Variants in PPP1R9A observed in about 807,000 individuals in gnomAD.
The protein encoded by PPP1R9A is neurabin-1.
In PPP1R9A, 59 loss-of-function variants were observed where a neutral mutation model predicts 141.9. The observed-to-expected ratio is 0.42, with a 90% CI of 0.34 to 0.52. PPP1R9A has a LOEUF of 0.52. Ranked by LOEUF, PPP1R9A falls within the 20% of genes least tolerant of loss-of-function variation. The pLI, the probability that PPP1R9A is intolerant of heterozygous loss-of-function variation, is 0.10. For missense variants in PPP1R9A, 1,444 were observed against 1,611.9 expected (o/e 0.90, Z 1.78); for synonymous variants, 500 against 569.7 (o/e 0.88, Z 1.74).
intron 2 of PPP1R9A, among the ~76,000 whole-genome samples, chr7:94,915,074 C>G (rs1397039153): frequency 2.0e-5 from 3 of 152,096 alleles, no homozygotes; most frequent in Admixed American, 2.0e-4. Flanking sequence ...AAAGATTTTT[C>G]TAACTCACAG....
chr7:94,958,414 T>TTCA (rs1361091067), intron 2 of PPP1R9A, among the ~76,000 whole-genome samples: 1 of 152,082 alleles, frequency 6.6e-6, no homozygotes, highest in East Asian at 1.9e-4. Flanking sequence ...GTCTATCTCA[T>TTCA]TCACCTCTTT....
At chr7:94,960,646 C>A (rs1174660096) in intron 2 of PPP1R9A, among the ~76,000 whole-genome samples, 1 of 151,354 alleles carries the variant, frequency 6.6e-6, no homozygotes, top group Non-Finnish European at 1.5e-5. Flanking sequence ...AATATTAATC[C>A]CTCATAAAGT....
chr7:95,229,465 G>A (rs920269419), intron 8 of PPP1R9A, among the ~76,000 whole-genome samples: 15 of 152,096 alleles, frequency 9.9e-5, no homozygotes, highest in East Asian at 9.8e-4. Context: ...TCTGGGCTGC[G>A]TGGGAGCAGA....
At chr7:95,117,918 CT>C (rs575675112) in intron 3 of PPP1R9A, among the ~76,000 whole-genome samples, 15 of 152,238 alleles carry the variant, frequency 9.9e-5, no homozygotes, top group Middle Eastern at 3.4e-3. Context: ...TTGATCATCT[CT>C]TAAACAACAC....
At chr7:95,150,002 T>C (rs1216046037) in intron 4 of PPP1R9A, among the ~76,000 whole-genome samples, 2 of 151,996 alleles carry the variant, frequency 1.3e-5, no homozygotes, top group African/African-American at 4.8e-5. Context: ...GGCAAAAGAA[T>C]AGACAAAGAG....
At chr7:95,086,357 A>G (rs1394159362) in intron 2 of PPP1R9A, among the ~76,000 whole-genome samples, 1 of 152,074 alleles carries the variant, frequency 6.6e-6, no homozygotes, top group Non-Finnish European at 1.5e-5. Flanking sequence ...AAACTTTGAC[A>G]CAAATATAAG....
chr7:94,980,672 A>G (rs146340766), intron 2 of PPP1R9A, among the ~76,000 whole-genome samples: 7 of 151,644 alleles, frequency 4.6e-5, no homozygotes, highest in African/African-American at 1.7e-4. Context: ...ACTGAGTCAT[A>G]ACTTGCTTTT....
chr7:95,082,997 C>T (rs1354470835), intron 2 of PPP1R9A, among the ~76,000 whole-genome samples: 12 of 151,712 alleles, frequency 7.9e-5, no homozygotes, highest in East Asian at 3.9e-4. Context: ...CCTCATGATC[C>T]GCCCACCTCG....
At chr7:94,998,588 C>T (rs1401540230) in intron 2 of PPP1R9A, among the ~76,000 whole-genome samples, 4 of 152,138 alleles carry the variant, frequency 2.6e-5, no homozygotes, top group South Asian at 4.1e-4. Context: ...CTTTGTATGG[C>T]GCATTGAGTC....
At chr7:95,237,312 C>T (rs1028535541) in intron 8 of PPP1R9A, among the ~76,000 whole-genome samples, 2 of 151,134 alleles carry the variant, frequency 1.3e-5, no homozygotes, top group African/African-American at 2.4e-5. Context: ...TCTCCTACTT[C>T]GGCCTCCCAA....
intron 1 of PPP1R9A, among the ~76,000 whole-genome samples, chr7:94,909,387 C>G (rs1479623355): frequency 6.6e-6 from 1 of 151,816 alleles, no homozygotes; most frequent in African/African-American, 2.4e-5. Context: ...AACATTGGAC[C>G]AAAAAAAGTA....
At chr7:95,198,029 G>C (rs138714545) in intron 5 of PPP1R9A, among the ~76,000 whole-genome samples, 2,009 of 152,266 alleles carry the variant, frequency 0.013, 32 homozygotes, top group African/African-American at 0.046. Flanking sequence ...TTATGAGCTT[G>C]CTTCTATTTT....
intron 8 of PPP1R9A, among the ~76,000 whole-genome samples, chr7:95,236,172 A>G (rs2152976291): frequency 6.6e-6 from 1 of 152,312 alleles, no homozygotes; most frequent in Middle Eastern, 3.4e-3. Flanking sequence ...TGCCACAAAG[A>G]TTATATTTGC....
intron 2 of PPP1R9A, among the ~76,000 whole-genome samples, chr7:95,049,897 C>G (rs1199535641): frequency 6.6e-6 from 1 of 152,046 alleles, no homozygotes; most frequent in African/African-American, 2.4e-5. Flanking sequence ...CTGAGTATAC[C>G]ACAGTTTATC....
chr7:94,949,785 G>A (rs972667672), intron 2 of PPP1R9A, among the ~76,000 whole-genome samples: 1 of 152,136 alleles, frequency 6.6e-6, no homozygotes, highest in Middle Eastern at 3.4e-3. Flanking sequence ...GTGATGTTGA[G>A]ATAGTTTGCT....
intron 3 of PPP1R9A, among the ~76,000 whole-genome samples, chr7:95,112,070 T>A (rs1403458802): frequency 1.3e-5 from 2 of 149,654 alleles, no homozygotes; most frequent in East Asian, 3.9e-4. Flanking sequence ...AAACAGATGA[T>A]GACTTGAATA....
At position 95,121,778 on chromosome 7, in the gene PPP1R9A, A is replaced by T. The variant is rs1395338162; in HGVS notation, c.1649+946A>T. ...CAAGTGAGAGAGAGCAAGAAGGGGC[A>T]AAACTTGCTTTTATAACAAACCCAC... On this transcript the variant is annotated intron_variant, in intron 4 of 19. Transcript: ENST00000433360. Among the ~76,000 whole-genome samples the T allele has an allele frequency of 9.6e-4, 146 of 152,280 alleles. 1 individual carries two copies. The highest frequency in any genetic ancestry group is 2.9e-5 in the Non-Finnish European group (2 of 68,026).
intron 2 of PPP1R9A, among the ~76,000 whole-genome samples, chr7:95,006,827 C>T (rs1354301813): frequency 1.3e-5 from 2 of 151,914 alleles, no homozygotes; most frequent in Non-Finnish European, 2.9e-5. Context: ...TGTCTCCTTT[C>T]CCTGCCTGAT....
chr7:95,140,390 C>G (rs1024416639), intron 4 of PPP1R9A, among the ~76,000 whole-genome samples: 1 of 152,058 alleles, frequency 6.6e-6, no homozygotes, highest in Admixed American at 6.6e-5. Context: ...ATTATAATTG[C>G]TTATTTCACT....
Sources: gnomAD v4.1 joint callset for allele counts (sites outside exome capture counted in the v4.1 genomes callset) on GRCh38, gnomAD v4.1.1 for gene constraint, MANE v1.5 for transcripts, NCBI Gene and HGNC (gene_info 2026-07-23, HGNC 2026-07-21) for gene names.